ARHGAP10: variants seen among roughly 807,000 people sequenced by gnomAD.
The protein encoded by ARHGAP10 is rho GTPase-activating protein 10.
Under a neutral mutation model 108.6 loss-of-function variants are expected in ARHGAP10, and 87 were observed. The observed-to-expected ratio is 0.80, with a 90% CI of 0.67 to 0.96. ARHGAP10 has a LOEUF of 0.96. Among genes scored for constraint, ARHGAP10 ranks in the 40% least tolerant of loss-of-function variants. The probability of loss-of-function intolerance (pLI) is 0.00; values close to 1 mark genes in which losing one functional copy is unlikely to be tolerated. For missense variants in ARHGAP10, 939 were observed against 954.5 expected, an observed-to-expected ratio of 0.98 and a Z score of 0.21; for synonymous variants, 347 against 341.1, an observed-to-expected ratio of 1.02 and a Z score of -0.19.
intron 18 of ARHGAP10, among the ~76,000 whole-genome samples, chr4:147,992,940 G>T (rs540188874): frequency 6.6e-6 from 1 of 152,314 alleles, no homozygotes; most frequent in African/African-American, 2.4e-5. Flanking sequence ...GTAAGAAACT[G>T]ATTGGAGGGT....
intron 10 of ARHGAP10, among the ~76,000 whole-genome samples, chr4:147,893,387 T>A (rs1735864637): frequency 6.6e-6 from 1 of 150,416 alleles, no homozygotes; most frequent in Non-Finnish European, 1.5e-5. Context: ...GTAAATTTTT[T>A]TTTATGTAAG....
At chr4:147,932,588 G>T (rs551166661) in intron 13 of ARHGAP10, among the ~76,000 whole-genome samples, 1 of 151,340 alleles carries the variant, frequency 6.6e-6, no homozygotes, top group African/African-American at 2.4e-5. Context: ...TCACTTACAA[G>T]TGGGAGCTAA....
intron 18 of ARHGAP10, among the ~76,000 whole-genome samples, chr4:147,969,359 A>T: frequency 8.7e-6 from 1 of 114,584 alleles, no homozygotes; most frequent in Middle Eastern, 6.3e-3. Flanking sequence ...AGTGGTGGTG[A>T]ATTTATGCCT....
In ARHGAP10 at chr4:147,857,812, GAAACAAGA is replaced by G. The variant is rs952796120; in HGVS notation, c.486+162_486+169del. On this transcript the variant is annotated intron_variant, in intron 5 of 22. Transcript: ENST00000336498. ...CATAAATTAAGAAAAAAGTCCTTGT[GAAACAAGA>G]AAAAATAATGAATACATCTTATAGT... 10 of 566,658 alleles carry G rather than the reference GAAACAAGA, an allele frequency of 1.8e-5. No individual in the cohort carries two copies. The African/African-American group carries it at 2.0e-4, about 11-fold the overall frequency. The allele number at this position is 566,658 out of a possible 1,614,324, so 35.1% of individuals were successfully genotyped here. A position where few individuals can be genotyped will look rare whatever the true frequency, so the allele number is the denominator to read the frequency against.
At chr4:147,887,129 G>C (rs1351626302) in intron 10 of ARHGAP10, among the ~76,000 whole-genome samples, 1 of 152,100 alleles carries the variant, frequency 6.6e-6, no homozygotes, top group Non-Finnish European at 1.5e-5. Flanking sequence ...CTTAAGCTCT[G>C]ACACTGCCTT....
intron 10 of ARHGAP10, among the ~76,000 whole-genome samples, chr4:147,899,868 C>T (rs1026831312): frequency 6.5e-5 from 8 of 123,136 alleles, no homozygotes; most frequent in Non-Finnish European, 8.7e-5. Flanking sequence ...GAACTTGTTA[C>T]GTGCTGGGTT....
chr4:147,899,635 A>G (rs963575777), intron 10 of ARHGAP10, among the ~76,000 whole-genome samples: 1 of 151,754 alleles, frequency 6.6e-6, no homozygotes, highest in Non-Finnish European at 1.5e-5. Flanking sequence ...TCTATTAGAA[A>G]CTTTTTTTTT....
At chr4:147,837,661 T>TTTTTTTGTTTTTTTTTTTTAAAGCAG (rs1274639323) in intron 3 of ARHGAP10, among the ~76,000 whole-genome samples, 1 of 149,072 alleles carries the variant, frequency 6.7e-6, no homozygotes, top group African/African-American at 2.5e-5. Flanking sequence ...TTTTTTTTTT[T>TTTTTTTGTTTTTTTTTTTTAAAGCAG]TAAAGCAGTA....
intron 3 of ARHGAP10, among the ~76,000 whole-genome samples, chr4:147,827,296 A>G (rs1438708870): frequency 6.6e-6 from 1 of 152,230 alleles, no homozygotes; most frequent in African/African-American, 2.4e-5. Context: ...CTTTTGAGGA[A>G]GAATAGATAC....
At chr4:147,820,587 T>G (rs1003717070) in intron 1 of ARHGAP10, among the ~76,000 whole-genome samples, 4 of 130,882 alleles carry the variant, frequency 3.1e-5, no homozygotes, top group Non-Finnish European at 6.5e-5. Context: ...CCAGTTTTTT[T>G]TTTTTTTTTT....
At chr4:147,959,636 C>T (rs1041195307) in intron 16 of ARHGAP10, among the ~76,000 whole-genome samples, 5 of 151,978 alleles carry the variant, frequency 3.3e-5, no homozygotes, top group East Asian at 1.9e-4. Flanking sequence ...TCTGTCCTTG[C>T]GATAGGTTGC....
intron 19 of ARHGAP10, among the ~76,000 whole-genome samples, chr4:148,046,219 C>T (rs2149679815): frequency 6.6e-6 from 1 of 152,302 alleles, no homozygotes; most frequent in South Asian, 2.1e-4. Flanking sequence ...TTATACTAAA[C>T]ATATTTAATA....
At chr4:147,880,785 G>A (rs997453327) in intron 9 of ARHGAP10, among the ~76,000 whole-genome samples, 2 of 152,170 alleles carry the variant, frequency 1.3e-5, no homozygotes, top group Non-Finnish European at 2.9e-5. Flanking sequence ...TTTAGATTAT[G>A]AAAATATTTA....
At chr4:147,880,198 A>G (rs928913562) in intron 9 of ARHGAP10, among the ~76,000 whole-genome samples, 1 of 152,254 alleles carries the variant, frequency 6.6e-6, no homozygotes, top group Admixed American at 6.5e-5. Flanking sequence ...AATGTTGAAC[A>G]TAATTGATAA....
In ARHGAP10 at chr4:147,847,808, G is replaced by A. The variant is rs569014118; in HGVS notation, c.384+586G>A. Reference sequence around the variant, plus strand: ...GTACTTAAGTATCTGGGATTTAACCGTGATTTCCAGGAATAATGCAGTGGT... The same window carrying A: ...GTACTTAAGTATCTGGGATTTAACCATGATTTCCAGGAATAATGCAGTGGT... On this transcript the variant is annotated intron_variant, in intron 4 of 22. Coordinates refer to ENST00000336498, the MANE Select transcript of ARHGAP10 (RefSeq NM_024605.4). 4.1e-4 allele frequency among the ~76,000 whole-genome samples: 62 copies of A among 152,290 alleles called. No homozygotes were observed. The South Asian group carries it at 0.011, about 27-fold the overall frequency.
chr4:147,798,554 T>C (rs769551556), intron 1 of ARHGAP10, among the ~76,000 whole-genome samples: 12 of 151,828 alleles, frequency 7.9e-5, no homozygotes, highest in Non-Finnish European at 1.6e-4. Flanking sequence ...CCTAGGTGGG[T>C]GGATCACTTG....
intron 5 of ARHGAP10, chr4:147,861,833 A>G (rs951926732): frequency 1.3e-5 from 2 of 152,278 alleles, no homozygotes; most frequent in Non-Finnish European, 2.9e-5. Context: ...CTGGGCTCAG[A>G]AGGGAGGAAG....
intron 4 of ARHGAP10, among the ~76,000 whole-genome samples, chr4:147,855,042 A>C (rs994832039): frequency 6.6e-6 from 1 of 152,236 alleles, no homozygotes; most frequent in African/African-American, 2.4e-5. Context: ...GATTAAATCA[A>C]ATAAGGTGGT....
chr4:147,798,270 C>A (rs1386049393), intron 1 of ARHGAP10, among the ~76,000 whole-genome samples: 1 of 152,084 alleles, frequency 6.6e-6, no homozygotes, highest in African/African-American at 2.4e-5. Flanking sequence ...TGCCTCTGAA[C>A]CATCTTCGTT....
Sources: allele counts gnomAD v4.1 joint callset (sites outside exome capture counted in the v4.1 genomes callset), GRCh38; gene constraint gnomAD v4.1.1; transcripts MANE v1.5; gene names NCBI Gene and HGNC (gene_info 2026-07-23, HGNC 2026-07-21).